Variants in STOX2 observed in about 807,000 individuals in gnomAD.
STOX2 encodes storkhead box 2.
In STOX2, 28 loss-of-function variants were observed where a neutral mutation model predicts 60.9. The observed-to-expected ratio is 0.46, with a 90% CI of 0.34 to 0.63. The LOEUF is 0.63. STOX2 is among the 30% of genes least tolerant of loss of function. The pLI is 0.01. For missense variants in STOX2, 1,024 were observed against 1,187.7 expected (o/e 0.86, Z 2.03); for synonymous variants, 472 against 463.9 (o/e 1.02, Z -0.22).
intron 1 of STOX2, chr4:183,988,074 G>A (rs1732926156): frequency 6.8e-6 from 1 of 146,102 alleles, no homozygotes; most frequent in Non-Finnish European, 1.5e-5. Flanking sequence ...CCCTTGGAGA[G>A]GAGAGTGTGC....
chr4:184,016,576 G>A (rs2111261460), intron 3 of STOX2, among the ~76,000 whole-genome samples: 1 of 152,194 alleles, frequency 6.6e-6, no homozygotes, highest in East Asian at 1.9e-4. Context: ...CATCTTTGCG[G>A]CAAATGCCCA....
At chr4:183,864,690 G>C (rs112059048) in intron 1 of STOX2, among the ~76,000 whole-genome samples, 2,614 of 152,154 alleles carry the variant, frequency 0.017, 77 homozygotes, top group African/African-American at 0.06. Context: ...CACTGCGCCC[G>C]GCCAAATGGA....
At chr4:183,895,915 G>T (rs1197379984) in intron 1 of STOX2, among the ~76,000 whole-genome samples, 1 of 152,152 alleles carries the variant, frequency 6.6e-6, no homozygotes, top group African/African-American at 2.4e-5. Flanking sequence ...AATCTGCAGG[G>T]ATATTTGAGG....
chr4:183,836,280 C>T lies in STOX2; in HGVS notation c.364+38225C>T, dbSNP rs950783741. ...GAGATTGCTTTATCCTCTGAGGTTG[C>T]ACCGCAGATCCTCTTCTGCAAGTCA... On this transcript the variant is annotated intron_variant, in intron 1 of 2. Transcript: ENST00000513034. This position sits in a 1 kb window ranked among gnomAD's most constrained non-coding sequence, Gnocchi z 4.1. Among the ~76,000 whole-genome samples, 3 of 152,196 alleles carry T rather than the reference C, an allele frequency of 2.0e-5. No homozygotes were observed.
chr4:184,009,136 G>GTGT lies in STOX2; in HGVS notation c.320-21_320-20insGTT. On this transcript the variant is annotated intron_variant, in intron 2 of 3. Transcript: ENST00000308497. This position sits in a 1 kb window ranked among gnomAD's most constrained non-coding sequence, Gnocchi z 4.0. Reference sequence around the variant, plus strand: ...TGTTCTGTCTTCATTCTCACAAGTGGTTTTTTTTTTTTTTTTTTCAGGTGT... The same window carrying GTGT: ...TGTTCTGTCTTCATTCTCACAAGTGGTGTTTTTTTTTTTTTTTTTTTCAGGTGT... The GTGT allele has an allele frequency of 5.6e-6, 4 of 716,344 alleles. No homozygotes were observed. Among genetic ancestry groups the GTGT allele is most frequent in the Non-Finnish European group, 6.5e-6 (3 of 463,066 alleles). 44.4% of individuals were successfully genotyped at this position (716,344 alleles called of 1,614,324 possible).
chr4:183,888,793 G>A (rs1220120699), intron 1 of STOX2, among the ~76,000 whole-genome samples: 3 of 151,978 alleles, frequency 2.0e-5, no homozygotes, highest in Middle Eastern at 3.2e-3. Flanking sequence ...TTTTCCCCAC[G>A]CCTTTCCTCC....
chr4:183,936,429 T>C (rs971791239), intron 1 of STOX2, among the ~76,000 whole-genome samples: 1 of 150,652 alleles, frequency 6.6e-6, no homozygotes, highest in Admixed American at 6.6e-5. Flanking sequence ...TTTTTTTTTT[T>C]CCGCAGTGGA....
rs938986263 is a variant in STOX2, at chr4:183,945,007, G to A, written c.166+38051G>A. Among the ~76,000 whole-genome samples the A allele has an allele frequency of 3.3e-5, 5 of 152,164 alleles. No individual in the cohort carries two copies. In the East Asian group the frequency reaches 9.6e-4, roughly 29 times the overall value. On this transcript the variant is annotated intron_variant, in intron 1 of 3. Transcript: ENST00000308497. Reference sequence around the variant, plus strand: ...ATGTAAAAATACCAAATATTGTTGTGCATTCATTTATATATGTAAAAGTGT... The same window carrying A: ...ATGTAAAAATACCAAATATTGTTGTACATTCATTTATATATGTAAAAGTGT...
At chr4:183,954,718 G>C (rs566110177) in intron 1 of STOX2, among the ~76,000 whole-genome samples, 1 of 151,970 alleles carries the variant, frequency 6.6e-6, no homozygotes, top group East Asian at 1.9e-4. Flanking sequence ...TTGCCTGATC[G>C]CTTCCCCACC....
intron 1 of STOX2, among the ~76,000 whole-genome samples, chr4:183,918,485 T>C (rs1741995620): frequency 1.3e-5 from 2 of 152,254 alleles, no homozygotes; most frequent in South Asian, 4.1e-4. Flanking sequence ...AAAACTCCGC[T>C]TCTGAGCTGC....
chr4:183,952,472 T>C (rs1472921444), intron 1 of STOX2, among the ~76,000 whole-genome samples: 1 of 152,248 alleles, frequency 6.6e-6, no homozygotes, highest in Non-Finnish European at 1.5e-5. Flanking sequence ...AGTAGTTTAG[T>C]TAGGGGAGTT....
At chr4:183,893,839 T>G (rs1408004649) in intron 1 of STOX2, among the ~76,000 whole-genome samples, 1 of 152,216 alleles carries the variant, frequency 6.6e-6, no homozygotes, top group East Asian at 1.9e-4. Context: ...AGGAGGGTAC[T>G]AGTCTAAGCA....
At chr4:183,956,609 A>G (rs1743259086) in intron 1 of STOX2, among the ~76,000 whole-genome samples, 1 of 152,148 alleles carries the variant, frequency 6.6e-6, no homozygotes, top group African/African-American at 2.4e-5. Context: ...CTTACACATA[A>G]TAAGACTAGA....
chr4:183,874,535 A>T (rs1038409999), intron 1 of STOX2, among the ~76,000 whole-genome samples: 5 of 152,144 alleles, frequency 3.3e-5, no homozygotes, highest in African/African-American at 9.7e-5. Context: ...TGTGTATTTT[A>T]AAATGTACTT....
At chr4:183,959,725 G>A (rs1743358141) in intron 1 of STOX2, among the ~76,000 whole-genome samples, 1 of 152,162 alleles carries the variant, frequency 6.6e-6, no homozygotes, top group South Asian at 2.1e-4. Context: ...AGAATAATGT[G>A]AATATTTCAA....
rs1202922797 is a variant in STOX2, at chr4:183,873,867, C to T, written c.364+75812C>T. Among the ~76,000 whole-genome samples, 7 of 152,266 alleles carry T rather than the reference C, an allele frequency of 4.6e-5. No individual in the cohort carries two copies. The East Asian group carries it at 9.7e-4, about 21-fold the overall frequency. On this transcript the variant is annotated intron_variant, in intron 1 of 2. Transcript: ENST00000513034. Reference sequence around the variant, plus strand: ...CTGCACACCATGGAAATGGTGGTTTCCCCAGGATTGTAACTCCAGTGCTCT... The same window carrying T: ...CTGCACACCATGGAAATGGTGGTTTTCCCAGGATTGTAACTCCAGTGCTCT...
intron 1 of STOX2, among the ~76,000 whole-genome samples, chr4:183,897,589 T>G (rs1393778153): frequency 6.6e-6 from 1 of 152,216 alleles, no homozygotes; most frequent in East Asian, 1.9e-4. Context: ...ACTCTTTGGA[T>G]TTTGCTGAAA....
At chr4:183,938,398 G>C (rs1742647561) in intron 1 of STOX2, among the ~76,000 whole-genome samples, 1 of 152,208 alleles carries the variant, frequency 6.6e-6, no homozygotes, top group Admixed American at 6.5e-5. Context: ...GCTGAGCACG[G>C]TGGCTCACGC....
chr4:183,850,980 C>T (rs1293747063), intron 1 of STOX2, among the ~76,000 whole-genome samples: 2 of 46,544 alleles, frequency 4.3e-5, no homozygotes, highest in Non-Finnish European at 8.0e-5. Flanking sequence ...ATGAGGGAAA[C>T]GATGAGAAAG....
Sources: allele counts gnomAD v4.1 joint callset (sites outside exome capture counted in the v4.1 genomes callset), GRCh38; gene constraint gnomAD v4.1.1; non-coding constraint Gnocchi (gnomAD v3.1); transcripts MANE v1.5; gene names NCBI Gene and HGNC (gene_info 2026-07-23, HGNC 2026-07-21).